The following EFNA5 variants were observed in gnomAD, a reference collection of about 807,000 sequenced individuals.
EFNA5 encodes the protein ephrin A5, also known as ephrin-A5.
Under a neutral mutation model 22.9 loss-of-function variants are expected in EFNA5, and 5 were observed. The ratio of observed to expected loss-of-function variants is 0.22; its 90% CI spans 0.11 to 0.46. EFNA5 has a LOEUF of 0.46. Ranked by LOEUF, EFNA5 falls within the 20% of genes least tolerant of loss-of-function variation. The probability of loss-of-function intolerance (pLI) is 0.99; values close to 1 mark genes in which losing one functional copy is unlikely to be tolerated. For missense variants in EFNA5, 237 were observed against 293.3 expected (o/e 0.81, Z 1.40); for synonymous variants, 113 against 112.2 (o/e 1.01, Z -0.04).
At chr5:107,553,318 G>A (rs1200681242) in intron 1 of EFNA5, among the ~76,000 whole-genome samples, 2 of 152,210 alleles carry the variant, frequency 1.3e-5, no homozygotes, top group African/African-American at 4.8e-5. Context: ...CGTTAGGGAA[G>A]AGAAATATGT....
At position 107,580,592 on chromosome 5, in the gene EFNA5, G is replaced by A. The variant is rs1019529115; in HGVS notation, c.125+89897C>T. Among the ~76,000 whole-genome samples the A allele has an allele frequency of 7.3e-5, 11 of 151,654 alleles. 1 individual carries two copies. The highest frequency in any genetic ancestry group is 6.6e-4 in the Admixed American group (10 of 15,234). ...ACAAAAATTAGCCGGGCATGGTGGC[G>A]GGAGCCTGTAGTCCCAGCTACTCAG... On this transcript the variant is annotated intron_variant, in intron 1 of 4. Transcript: ENST00000333274.
intron 1 of EFNA5, among the ~76,000 whole-genome samples, chr5:107,526,312 G>C (rs1747695433): frequency 6.6e-6 from 1 of 152,222 alleles, no homozygotes. Context: ...AGAGAAGCCT[G>C]ATCCCAGTTC....
intron 1 of EFNA5, among the ~76,000 whole-genome samples, chr5:107,577,870 A>T (rs1580539611): frequency 6.6e-6 from 1 of 152,172 alleles, no homozygotes; most frequent in African/African-American, 2.4e-5. Flanking sequence ...CACAGGAGGG[A>T]TAAACCTTTT....
intron 1 of EFNA5, among the ~76,000 whole-genome samples, chr5:107,457,130 C>T (rs1749716474): frequency 6.6e-6 from 1 of 152,106 alleles, no homozygotes; most frequent in South Asian, 2.1e-4. Context: ...TTGAAAGGCC[C>T]CTTTTGTCAT....
Position 107,670,782 on chromosome 5 carries a change from A to T in EFNA5, c.-169T>A. ...GAAAGAGGCGCCCACCAAGCTGGGG[A>T]GGGGTAGGAGAGCGAGAAGAAAAGA... On this transcript the variant is annotated 5_prime_UTR_variant, in exon 1 of 5. Transcript: ENST00000333274. The T allele has an allele frequency of 1.1e-6, 1 of 882,268 alleles. No individual in the cohort carries two copies. Among genetic ancestry groups the T allele is most frequent in the Non-Finnish European group, 1.7e-6 (1 of 592,620 alleles). The allele number at this position is 882,268 out of a possible 1,614,324, so 54.7% of individuals were successfully genotyped here. A position where few individuals can be genotyped will look rare whatever the true frequency, so the allele number is the denominator to read the frequency against.
chr5:107,425,192 A>G (rs971351648), intron 2 of EFNA5, among the ~76,000 whole-genome samples: 1 of 152,240 alleles, frequency 6.6e-6, no homozygotes, highest in Admixed American at 6.5e-5. Context: ...AAAACCAGTC[A>G]TAAGCGCTAT....
At chr5:107,625,995 T>C (rs1220670871) in intron 1 of EFNA5, among the ~76,000 whole-genome samples, 2 of 152,246 alleles carry the variant, frequency 1.3e-5, no homozygotes, top group Non-Finnish European at 2.9e-5. Context: ...TGCTTGCTTA[T>C]GACAACTGAT....
At chr5:107,529,950 T>G (rs1221031640) in intron 1 of EFNA5, among the ~76,000 whole-genome samples, 1 of 152,244 alleles carries the variant, frequency 6.6e-6, no homozygotes, top group Non-Finnish European at 1.5e-5. Flanking sequence ...GTCATTGCCT[T>G]ATGTACTTTA....
chr5:107,624,629 T>C (rs1750106141), intron 1 of EFNA5, among the ~76,000 whole-genome samples: 2 of 152,238 alleles, frequency 1.3e-5, no homozygotes, highest in South Asian at 4.1e-4. Flanking sequence ...ATAGTGAGTA[T>C]CTGCAGCAGA....
rs558928480 is a variant in EFNA5, at chr5:107,431,065, C to T, written c.126-3556G>A. 5.3e-4 allele frequency among the ~76,000 whole-genome samples: 80 copies of T among 152,232 alleles called. 1 individual carries two copies. Among genetic ancestry groups the T allele is most frequent in the Middle Eastern group, 3.4e-3 (1 of 294 alleles). Reference sequence around the variant, plus strand: ...CTGGGATTACAGGCGTGAGCCACCGCGCCCGGCCACAATTAGTATTTCTAC... The same window carrying T: ...CTGGGATTACAGGCGTGAGCCACCGTGCCCGGCCACAATTAGTATTTCTAC... On this transcript the variant is annotated intron_variant, in intron 1 of 4. Transcript: ENST00000333274.
intron 2 of EFNA5, 70 bp from the exon 3 acceptor site, chr5:107,387,841 A>G (rs1216710316): frequency 1.9e-6 from 2 of 1,049,748 alleles, no homozygotes; most frequent in South Asian, 1.4e-5. Context: ...TCATTTTCAC[A>G]TACAAATGAT....
intron 1 of EFNA5, among the ~76,000 whole-genome samples, chr5:107,585,073 C>T (rs1248128192): frequency 6.6e-6 from 1 of 152,118 alleles, no homozygotes; most frequent in African/African-American, 2.4e-5. Flanking sequence ...GATGGGCAGT[C>T]CCCATGGGCT....
At chr5:107,568,400 G>C (rs1341026326) in intron 1 of EFNA5, among the ~76,000 whole-genome samples, 1 of 152,218 alleles carries the variant, frequency 6.6e-6, no homozygotes, top group Non-Finnish European at 1.5e-5. Context: ...TTAGACCAGG[G>C]AGAAGCCTGG....
chr5:107,563,547 C>T (rs1213684842), intron 1 of EFNA5, among the ~76,000 whole-genome samples: 1 of 150,058 alleles, frequency 6.7e-6, no homozygotes, highest in Admixed American at 6.7e-5. Context: ...AATGTTCCTT[C>T]TGCCTCAGCC....
intron 1 of EFNA5, among the ~76,000 whole-genome samples, chr5:107,628,559 G>A (rs1173454660): frequency 6.6e-5 from 10 of 152,060 alleles, no homozygotes; most frequent in Non-Finnish European, 1.5e-5. Context: ...CTATAAGCTA[G>A]ACATAGTCTA....
Position 107,426,986 on chromosome 5 carries a change from G to C in EFNA5, c.418+231C>G, listed in dbSNP as rs1580444130. ...TTAAAAAAAATACAAGTCAGCAGTG[G>C]TTCAGTGAACAGGCTGACACGTAAT... On this transcript the variant is annotated intron_variant, in intron 2 of 4. Transcript: ENST00000333274. 1.2e-5 allele frequency: 6 copies of C among 506,154 alleles called. No individual in the cohort carries two copies. In the East Asian group the frequency reaches 2.0e-4, roughly 17 times the overall value. 31.4% of individuals were successfully genotyped at this position (506,154 alleles called of 1,614,324 possible). A position where few individuals can be genotyped will look rare whatever the true frequency, so the allele number is the denominator to read the frequency against.
intron 1 of EFNA5, among the ~76,000 whole-genome samples, chr5:107,475,504 CA>C (rs879726197): frequency 3.9e-5 from 6 of 152,166 alleles, no homozygotes; most frequent in Admixed American, 2.0e-4. Context: ...CTGTCCACGT[CA>C]AAGGATCTGG....
chr5:107,625,927 T>C (rs1053568345), intron 1 of EFNA5, among the ~76,000 whole-genome samples: 1 of 152,216 alleles, frequency 6.6e-6, no homozygotes, highest in Admixed American at 6.5e-5. Flanking sequence ...AGATTAAGTA[T>C]AGGCTCAACA....
At chr5:107,402,645 ACTG>A (rs1338906616) in intron 2 of EFNA5, among the ~76,000 whole-genome samples, 1 of 152,232 alleles carries the variant, frequency 6.6e-6, no homozygotes, top group African/African-American at 2.4e-5. Context: ...TGGATACACT[ACTG>A]TATACGCACC....
Sources: gnomAD v4.1 joint callset for allele counts (sites outside exome capture counted in the v4.1 genomes callset) on GRCh38, gnomAD v4.1.1 for gene constraint, MANE v1.5 for transcripts, NCBI Gene and HGNC (gene_info 2026-07-23, HGNC 2026-07-21) for gene names.